CIZ1: variants seen among roughly 807,000 people sequenced by gnomAD.
The protein encoded by CIZ1 is CDKN1A interacting zinc finger protein 1.
CIZ1 carries 58 observed loss-of-function variants against 118.6 expected under a neutral mutation model. That is an observed-to-expected ratio of 0.49 (90% CI 0.40 to 0.61). The LOEUF (loss-of-function observed/expected upper bound fraction) is 0.61. Ranked by LOEUF, CIZ1 falls within the 20% of genes least tolerant of loss-of-function variation. CIZ1 has a pLI of 0.00. For missense variants in CIZ1, 921 were observed against 1,115.9 expected (o/e 0.83, Z 2.49); for synonymous variants, 448 against 443.4 (o/e 1.01, Z -0.13).
At chr9:128,183,998 C>T (rs1027993926) in intron 5 of CIZ1, among the ~76,000 whole-genome samples, 4 of 152,196 alleles carry the variant, frequency 2.6e-5, no homozygotes, top group Non-Finnish European at 5.9e-5. Context: ...GGACTCCTGA[C>T]CTCAAATGAT....
chr9:128,190,998 G>T, intron 1 of CIZ1, 136 bp from the exon 2 acceptor site: 1 of 1,287,928 alleles, frequency 7.8e-7, no homozygotes, highest in Non-Finnish European at 1.0e-6. Context: ...TCCCAGTCCT[G>T]CCAAGAGCCT....
chr9:128,191,494 C>T lies in CIZ1; in HGVS notation c.-68G>A. ...CCACGGATGGGCCGGCCCCGCAGCC[C>T]CCACGCCTCGGCCGGGCGGCTCCGG... is the stretch of plus-strand genomic sequence containing the variant. On this transcript the variant is annotated 5_prime_UTR_variant, in exon 1 of 17. Transcript: ENST00000372938. The surrounding 1 kb of genome is among the most constrained non-coding windows in gnomAD (Gnocchi z 5.5). 1 of 998,202 alleles carries T rather than the reference C, an allele frequency of 1.0e-6. No individual in the cohort carries two copies. Among genetic ancestry groups the T allele is most frequent in the Non-Finnish European group, 1.2e-6 (1 of 837,554 alleles). 61.8% of individuals were successfully genotyped at this position (998,202 alleles called of 1,614,324 possible).
chr9:128,191,695 C>T, upstream of CIZ1: 3 of 1,294,912 alleles, frequency 2.3e-6, no homozygotes, highest in Non-Finnish European at 2.9e-6. The surrounding 1 kb of genome is among the most constrained non-coding windows in gnomAD (Gnocchi z 5.5). Flanking sequence ...GGCTGCGGGG[C>T]GCTAGCAGGT....
chr9:128,171,133 T>A (rs752016046), intron 11 of CIZ1, among the ~76,000 whole-genome samples: 2 of 151,490 alleles, frequency 1.3e-5, no homozygotes, highest in African/African-American at 4.9e-5. Flanking sequence ...AAATAAATAA[T>A]AAATAAATAA....
At chr9:128,170,171 G>T in intron 11 of CIZ1, 64 bp from the exon 12 acceptor site, 1 of 1,387,712 alleles carries the variant, frequency 7.2e-7, no homozygotes, top group Non-Finnish European at 1.0e-6. Flanking sequence ...GTCTGAGAGC[G>T]CTCCATAAGT....
At chr9:128,185,925 G>A in intron 4 of CIZ1, 149 bp from the exon 5 acceptor site, 1 of 669,782 alleles carries the variant, frequency 1.5e-6, no homozygotes, top group African/African-American at 1.8e-5. Flanking sequence ...GGGAAGAGAT[G>A]AGAGCTGAGG....
chr9:128,202,859 G>C (rs1300597554), intron 1 of CIZ1: 2 of 152,238 alleles, frequency 1.3e-5, no homozygotes, highest in African/African-American at 4.8e-5. Context: ...GCCTAGGACA[G>C]GGCCTGGCTT....
intron 7 of CIZ1, 131 bp from the exon 8 acceptor site, chr9:128,179,546 G>A (rs981856146): frequency 7.8e-6 from 6 of 768,066 alleles, no homozygotes; most frequent in Admixed American, 3.0e-5. Flanking sequence ...GCTGAGGCAG[G>A]TGGATCATTT....
At chr9:128,186,921 T>C (rs1832443102) in intron 4 of CIZ1, among the ~76,000 whole-genome samples, 1 of 151,176 alleles carries the variant, frequency 6.6e-6, no homozygotes, top group African/African-American at 2.4e-5. Flanking sequence ...GCTACATACT[T>C]CATACTTTCC....
Position 128,166,369 on chromosome 9 carries a change from C to T in CIZ1, c.2525G>A (p.Arg842Gln), listed in dbSNP as rs1170568628. The T allele has an allele frequency of 2.6e-6, 4 of 1,558,216 alleles. No individual in the cohort carries two copies. The highest frequency in any genetic ancestry group is 1.7e-4 in the Middle Eastern group (1 of 5,938). ...GATTGCGCACCGGCGGCTCACAGGT[C>T]GGGTGGTGGGGCTGGGGTTCTTGGC... is the stretch of plus-strand genomic sequence containing the variant. ...KAAKNPSPTT[R>Q]PVSRRCAINA... is the part of the protein sequence containing the mutation. The change falls in exon 17 of 17, where the codon CGA becomes CAA. Residue 842 changes from arginine (R) to glutamine (Q), a missense_variant. Physicochemically the swap from Arg to Gln is conservative, Grantham distance 43 (BLOSUM62 1). Transcript: ENST00000372938. The surrounding 1 kb of genome is among the most constrained non-coding windows in gnomAD (Gnocchi z 4.4).
intron 4 of CIZ1, among the ~76,000 whole-genome samples, chr9:128,186,943 T>C (rs904672135): frequency 3.3e-5 from 5 of 150,670 alleles, no homozygotes; most frequent in Non-Finnish European, 7.4e-5. Context: ...TGTCTGCTTT[T>C]TTTTTTTTTT....
intron 1 of CIZ1, chr9:128,202,985 C>T (rs10819374): frequency 0.93 from 141,880 of 152,178 alleles, 66,557 homozygotes; most frequent in Non-Finnish European, 0.98. Context: ...GAGTCAGGAT[C>T]TAGGGATAGA....
chr9:128,181,012 G>T (rs1451819029), intron 5 of CIZ1, among the ~76,000 whole-genome samples, 198 bp from the exon 6 acceptor site: 5 of 152,192 alleles, frequency 3.3e-5, no homozygotes, highest in Admixed American at 2.0e-4. Flanking sequence ...CTACCTAGTT[G>T]TCTGTTAAAT....
At chr9:128,196,911 T>C (rs1833390819) in intron 1 of CIZ1, 1 of 152,250 alleles carries the variant, frequency 6.6e-6, no homozygotes, top group Non-Finnish European at 1.5e-5. Flanking sequence ...CGCGAATGTC[T>C]CTATTTATTC....
Position 128,177,760 on chromosome 9 carries a change from A to C in CIZ1, c.1624T>G (p.Trp542Gly), listed in dbSNP as rs1409554834. ...ENRAREMPGV[W>G]GAGGSLKVTI... ...ACCTTCAGGGAGCCCCCGGCGCCCC[A>C]TACCTGCATGGGGAGTAGGAACTGA... The change falls in exon 10 of 17, where the codon TGG (tryptophan) becomes GGG (glycine). Residue 542 changes from tryptophan (W) to glycine (G), a missense_variant. Trp to Gly is a radical substitution (Grantham distance 184). Coordinates refer to ENST00000372938, the MANE Select transcript of CIZ1 (RefSeq NM_001131016.2). 3 of 1,591,836 alleles carry C rather than the reference A, an allele frequency of 1.9e-6. No homozygotes were observed. The East Asian group carries it at 6.8e-5, about 36-fold the overall frequency.
upstream of CIZ1, among the ~76,000 whole-genome samples, chr9:128,195,210 G>A (rs180749877): frequency 6.6e-6 from 1 of 152,254 alleles, no homozygotes; most frequent in African/African-American, 2.4e-5. Flanking sequence ...AAGGAACAGT[G>A]CCCAGCCATC....
At chr9:128,182,798 T>A (rs2130980040) in intron 5 of CIZ1, among the ~76,000 whole-genome samples, 1 of 152,124 alleles carries the variant, frequency 6.6e-6, no homozygotes, top group Middle Eastern at 3.4e-3. Flanking sequence ...CTTTTTTTTT[T>A]TCTTCCATAG....
chr9:128,193,440 G>C (rs1017829931), upstream of CIZ1, among the ~76,000 whole-genome samples: 5 of 151,794 alleles, frequency 3.3e-5, no homozygotes, highest in African/African-American at 1.2e-4. Flanking sequence ...TGGGCACAGC[G>C]GCTCACCCCT....
chr9:128,173,820 C>A (rs1233940950), intron 11 of CIZ1, among the ~76,000 whole-genome samples: 1 of 151,962 alleles, frequency 6.6e-6, no homozygotes, highest in Non-Finnish European at 1.5e-5. Flanking sequence ...TCCTGGCTAA[C>A]ACAGAGAAAC....
Sources: allele counts gnomAD v4.1 joint callset (sites outside exome capture counted in the v4.1 genomes callset), GRCh38; gene constraint gnomAD v4.1.1; non-coding constraint Gnocchi (gnomAD v3.1); transcripts MANE v1.5; gene names NCBI Gene and HGNC (gene_info 2026-07-23, HGNC 2026-07-21).